Variants in NCOA6 observed in about 807,000 individuals in gnomAD.
NCOA6 encodes the protein NRC RAP250.
A neutral mutation model predicts 171.4 loss-of-function variants in NCOA6; 49 were observed. The observed-to-expected ratio is 0.29, with a 90% CI of 0.23 to 0.36. NCOA6 has a LOEUF of 0.36. Ranked by LOEUF, NCOA6 falls within the 10% of genes least tolerant of loss-of-function variation. The pLI, the probability that NCOA6 is intolerant of heterozygous loss-of-function variation, is 1.00. For missense variants in NCOA6, 2,248 were observed against 2,554.5 expected (o/e 0.88, Z 2.59); for synonymous variants, 910 against 927.5 (o/e 0.98, Z 0.34).
At position 34,746,932 on chromosome 20, in the gene NCOA6, A is replaced by T; in HGVS notation, c.2793-4T>A. On this transcript the variant is annotated splice_region_variant and splice_polypyrimidine_tract_variant and intron_variant, in intron 9 of 14. Coordinates refer to ENST00000359003, the MANE Select transcript of NCOA6 (RefSeq NM_014071.5). ...AGCTGGGCGAGTATCTGGGGTGCTA[A>T]AAAAAAAAAAAAAAAAAAAAGTGAC... The T allele has an allele frequency of 3.0e-5, 10 of 333,196 alleles. No individual in the cohort carries two copies. Among genetic ancestry groups the T allele is most frequent in the Admixed American group, 1.4e-4 (3 of 20,904 alleles). The allele number at this position is 333,196 out of a possible 1,614,324, so 20.6% of individuals were successfully genotyped here.
rs568163755 is a variant in NCOA6 at position 34,798,315 on chromosome 20, G to A, written c.-163-5752C>T. Among the ~76,000 whole-genome samples the A allele has an allele frequency of 5.9e-5, 9 of 152,372 alleles. No individual in the cohort carries two copies. The South Asian group carries it at 1.2e-3, about 21-fold the overall frequency. Reference sequence around the variant, plus strand: ...TCAGCTGCAGCAGAACAAAGCACTAGATAGATTCCTAAGGTTTCTGACTTC... The same window carrying A: ...TCAGCTGCAGCAGAACAAAGCACTAAATAGATTCCTAAGGTTTCTGACTTC... On this transcript the variant is annotated intron_variant, in intron 1 of 14. Transcript: ENST00000359003.
intron 2 of NCOA6, among the ~76,000 whole-genome samples, chr20:34,788,791 C>T (rs2077768981): frequency 6.6e-6 from 1 of 152,104 alleles, no homozygotes; most frequent in Non-Finnish European, 1.5e-5. Flanking sequence ...ACTAAAAATA[C>T]AAAATTAGCC....
Position 34,749,668 on chromosome 20 carries a change from C to T in NCOA6, c.2527G>A (p.Gly843Arg). Reference sequence around the variant, plus strand: ...ATCCCATGGCCTGAGAAGTGGTTTCCCGAGGCACTGTTTCCCTGCATGGCC... The same window carrying T: ...ATCCCATGGCCTGAGAAGTGGTTTCTCGAGGCACTGTTTCCCTGCATGGCC... Reference protein sequence around the residue: ...VQAMQGNSASGNHFSGHGMSF... With the variant: ...VQAMQGNSASRNHFSGHGMSF... The change falls in exon 9 of 15, where the codon GGA becomes AGA. Residue 843 changes from glycine to arginine, a missense_variant. Transcript: ENST00000359003. The T allele has an allele frequency of 6.2e-7, 1 of 1,614,150 alleles. No homozygotes were observed.
chr20:34,781,368 A>T (rs1007534560), intron 3 of NCOA6, among the ~76,000 whole-genome samples: 3 of 152,234 alleles, frequency 2.0e-5, no homozygotes, highest in African/African-American at 7.2e-5. Flanking sequence ...AGAACATCTA[A>T]ATCAAGGTTC....
intron 14 of NCOA6, among the ~76,000 whole-genome samples, chr20:34,718,467 A>T (rs987928919): frequency 5.3e-5 from 8 of 151,472 alleles, no homozygotes; most frequent in Non-Finnish European, 4.4e-5. Context: ...ACTCTAATGA[A>T]TAGGCAAATC....
chr20:34,815,760 A>G (rs1018979407), intron 1 of NCOA6, among the ~76,000 whole-genome samples: 4 of 152,074 alleles, frequency 2.6e-5, no homozygotes, highest in Admixed American at 2.0e-4. Context: ...TGTTTTACAG[A>G]AGAGAGATTT....
Position 34,740,809 on chromosome 20 carries a change from C to T in NCOA6, c.5447G>A (p.Gly1816Asp), listed in dbSNP as rs1284463572. The T allele has an allele frequency of 6.2e-7, 1 of 1,614,246 alleles. No individual in the cohort carries two copies. The highest frequency in any genetic ancestry group is 1.1e-5 in the South Asian group (1 of 91,088). Residue 1816 changes from glycine to aspartate, a missense_variant, in exon 11 of 15, where the codon GGC (glycine) becomes GAC (aspartate). Gly to Asp is a moderately conservative substitution (Grantham distance 94). Around this residue, in one of 7 missense-constraint regions of NCOA6, gnomAD observed 884 missense variants for 941.9 expected, o/e 0.94. Transcript: ENST00000359003. ...NRRSPVSSSK[G>D]KGKVDKIGQI... Reference sequence around the variant, plus strand: ...GCCAATTTTGTCCACTTTTCCTTTGCCCTTACTAGACGAGACTGGGCTTCG... The same window carrying T: ...GCCAATTTTGTCCACTTTTCCTTTGTCCTTACTAGACGAGACTGGGCTTCG...
chr20:34,777,108 C>T (rs867549369), intron 3 of NCOA6, among the ~76,000 whole-genome samples: 13 of 130,598 alleles, frequency 1.0e-4, no homozygotes, highest in Middle Eastern at 4.2e-3. Context: ...CAAAGTGAGA[C>T]TCCGTCTCAA....
chr20:34,801,018 T>C (rs1461823146), intron 1 of NCOA6, among the ~76,000 whole-genome samples: 1 of 152,144 alleles, frequency 6.6e-6, no homozygotes, highest in Non-Finnish European at 1.5e-5. Flanking sequence ...GTATCTTCTA[T>C]GACCACAATA....
chr20:34,754,882 A>C lies in NCOA6; in HGVS notation c.1529-14T>G, dbSNP rs752848309. On this transcript the variant is annotated splice_polypyrimidine_tract_variant and intron_variant, in intron 7 of 14. Coordinates refer to ENST00000359003, the MANE Select transcript of NCOA6 (RefSeq NM_014071.5). Reference sequence around the variant, plus strand: ...GTTTAGGCATTCCTTAATAGAAAACAATGAGTAAGGCAGTTACCTAGCAAA... The same window carrying C: ...GTTTAGGCATTCCTTAATAGAAAACCATGAGTAAGGCAGTTACCTAGCAAA... 1 of 1,613,696 alleles carries C rather than the reference A, an allele frequency of 6.2e-7. No individual in the cohort carries two copies. The highest frequency in any genetic ancestry group is 1.7e-5 in the Admixed American group (1 of 59,978).
chr20:34,787,329 C>T (rs1296908254), intron 2 of NCOA6, among the ~76,000 whole-genome samples: 1 of 151,788 alleles, frequency 6.6e-6, no homozygotes, highest in Non-Finnish European at 1.5e-5. Flanking sequence ...TTTGAGACCA[C>T]TCCTGCCAAC....
intron 13 of NCOA6, among the ~76,000 whole-genome samples, chr20:34,729,384 C>T (rs912028031): frequency 6.6e-6 from 1 of 152,170 alleles, no homozygotes; most frequent in Non-Finnish European, 1.5e-5. Flanking sequence ...GAGTTATTTT[C>T]TTCTTTGTAA....
Position 34,794,491 on chromosome 20 carries a change from T to C in NCOA6, c.-163-1928A>G, listed in dbSNP as rs542383779. Among the ~76,000 whole-genome samples, 3 of 151,520 alleles carry C rather than the reference T, an allele frequency of 2.0e-5. No homozygotes were observed. The South Asian group carries it at 6.3e-4, about 32-fold the overall frequency. On this transcript the variant is annotated intron_variant, in intron 1 of 14. Coordinates refer to ENST00000359003, the MANE Select transcript of NCOA6 (RefSeq NM_014071.5). ...ACTGATTTAAATTATAGAACATCCT[T>C]AAAAATGAAATGCAAAAAAAAAGAA...
At chr20:34,720,617 G>C (rs957499281) in intron 14 of NCOA6, among the ~76,000 whole-genome samples, 1 of 152,172 alleles carries the variant, frequency 6.6e-6, no homozygotes, top group Non-Finnish European at 1.5e-5. Context: ...GAATGTCTCT[G>C]ATTTTGTTTG....
intron 5 of NCOA6, among the ~76,000 whole-genome samples, chr20:34,759,263 T>C (rs2076745696): frequency 6.6e-6 from 1 of 152,060 alleles, no homozygotes; most frequent in South Asian, 2.1e-4. Context: ...TGGTCTCAAA[T>C]TCCTGGGCTC....
In NCOA6 at chr20:34,754,709, A is replaced by G; in HGVS notation, c.1675+13T>C. 6.2e-7 allele frequency: 1 copy of G among 1,614,156 alleles called. No individual in the cohort carries two copies. Among genetic ancestry groups the G allele is most frequent in the Non-Finnish European group, 8.5e-7 (1 of 1,180,016 alleles). ...TCAATAAATGCTGGCTAAACAAATC[A>G]CAGAAAACAAACCTGCATGCTGGAC... On this transcript the variant is annotated intron_variant, in intron 8 of 14. Coordinates refer to ENST00000359003, the MANE Select transcript of NCOA6 (RefSeq NM_014071.5).
At chr20:34,817,802 A>G (rs969272893) in intron 1 of NCOA6, among the ~76,000 whole-genome samples, 2 of 152,174 alleles carry the variant, frequency 1.3e-5, no homozygotes, top group South Asian at 2.1e-4. Flanking sequence ...AACTAGCTCC[A>G]TATCTCTCCT....
chr20:34,715,552 C>A (rs1027979660), intron 14 of NCOA6, among the ~76,000 whole-genome samples, 187 bp from the exon 15 acceptor site: 3 of 152,086 alleles, frequency 2.0e-5, no homozygotes, highest in African/African-American at 7.2e-5. Context: ...AGGGTGTGGT[C>A]CTGCATTGGG....
intron 4 of NCOA6, among the ~76,000 whole-genome samples, chr20:34,771,496 A>G (rs2077150234): frequency 6.6e-6 from 1 of 152,172 alleles, no homozygotes; most frequent in Non-Finnish European, 1.5e-5. Flanking sequence ...TCAAAATGTA[A>G]TATGTATTTT....
Sources: allele counts gnomAD v4.1 joint callset (sites outside exome capture counted in the v4.1 genomes callset), GRCh38; gene constraint gnomAD v4.1.1; regional missense constraint gnomAD v4.1.1; transcripts MANE v1.5; gene names NCBI Gene and HGNC (gene_info 2026-07-23, HGNC 2026-07-21).